Variants in VTI1A observed in about 807,000 individuals in gnomAD.
The protein encoded by VTI1A is vesicle transport through interaction with t-SNAREs homolog 1A.
A neutral mutation model predicts 34.9 loss-of-function variants in VTI1A; 22 were observed. The ratio of observed to expected loss-of-function variants is 0.63; its 90% CI spans 0.45 to 0.90. VTI1A has a LOEUF of 0.90. VTI1A is among the 40% of genes least tolerant of loss of function. VTI1A has a pLI of 0.00. For synonymous variants in VTI1A, 87 were observed against 97.3 expected (o/e 0.89, Z 0.62); for missense variants, 268 against 275.6 (o/e 0.97, Z 0.20).
At chr10:112,855,313 C>T in the VTI1A span, among the ~76,000 whole-genome samples, 1 of 152,150 alleles carries the variant, frequency 6.6e-6, no homozygotes, top group Admixed American at 6.5e-5. Flanking sequence ...GGCTTCTTCC[C>T]GCCAGTCCAG....
At chr10:112,523,851 G>C (rs540065677) in intron 3 of VTI1A, among the ~76,000 whole-genome samples, 2 of 152,240 alleles carry the variant, frequency 1.3e-5, no homozygotes, top group East Asian at 3.9e-4. Flanking sequence ...AGCTGAATGT[G>C]TGACATTTCC....
chr10:112,599,210 A>T (rs1253356924), intron 5 of VTI1A, among the ~76,000 whole-genome samples: 1 of 152,116 alleles, frequency 6.6e-6, no homozygotes, highest in African/African-American at 2.4e-5. Context: ...CTTGCAGAGT[A>T]GGATTGGGGG....
intron 7 of VTI1A, among the ~76,000 whole-genome samples, chr10:112,808,888 G>A (rs1175145992): frequency 6.6e-6 from 1 of 152,146 alleles, no homozygotes; most frequent in East Asian, 1.9e-4. Flanking sequence ...GCAGCTCCAG[G>A]TTCTCACTGT....
chr10:112,821,114 A>G (rs1462357293), downstream of VTI1A, among the ~76,000 whole-genome samples: 1 of 152,186 alleles, frequency 6.6e-6, no homozygotes, highest in Admixed American at 6.5e-5. Flanking sequence ...CAGACATCAC[A>G]GAGGGGGCAG....
At chr10:112,694,138 G>A (rs1215016776) in intron 7 of VTI1A, among the ~76,000 whole-genome samples, 2 of 152,094 alleles carry the variant, frequency 1.3e-5, no homozygotes, top group South Asian at 2.1e-4. Context: ...CCCAGGAGGC[G>A]GAGCTTGCAG....
chr10:112,551,433 A>G lies in VTI1A; in HGVS notation c.427+13103A>G, dbSNP rs1397901629. ...TTTATTGGATGTGGACTGGACTTCT[A>G]TTGATCTCTGCTATAGCAAGAAAAA... On this transcript the variant is annotated intron_variant, in intron 5 of 7. Coordinates refer to ENST00000393077, the MANE Select transcript of VTI1A (RefSeq NM_145206.4). Among the ~76,000 whole-genome samples, 5 of 152,104 alleles carry G rather than the reference A, an allele frequency of 3.3e-5. No homozygotes were observed. In the South Asian group the frequency reaches 6.2e-4, roughly 19 times the overall value.
chr10:112,688,574 T>TG lies in VTI1A; in HGVS notation c.560+19577dup, dbSNP rs1276339011. On this transcript the variant is annotated intron_variant, in intron 7 of 7. Coordinates refer to ENST00000393077, the MANE Select transcript of VTI1A (RefSeq NM_145206.4). Reference sequence around the variant, plus strand: ...TTTGATCTTGTTGCCCAGGCTAAAGTGCAGTGGCGCAATCTTGGCTCACTG... The same window carrying TG: ...TTTGATCTTGTTGCCCAGGCTAAAGTGGCAGTGGCGCAATCTTGGCTCACTG... 6.7e-5 allele frequency among the ~76,000 whole-genome samples: 10 copies of TG among 148,934 alleles called. No individual in the cohort carries two copies. In the East Asian group the frequency reaches 2.0e-3, roughly 30 times the overall value.
At chr10:112,711,449 A>G (rs911304008) in intron 7 of VTI1A, among the ~76,000 whole-genome samples, 14 of 152,336 alleles carry the variant, frequency 9.2e-5, no homozygotes, top group African/African-American at 3.1e-4. Flanking sequence ...CTATTAAATG[A>G]AAAGCATTCC....
At chr10:112,648,497 A>T (rs1846889665) in intron 5 of VTI1A, among the ~76,000 whole-genome samples, 1 of 152,234 alleles carries the variant, frequency 6.6e-6, no homozygotes, top group Non-Finnish European at 1.5e-5. Flanking sequence ...TGATAAATTA[A>T]TTAAATCATC....
rs1024634524 is a variant in VTI1A at position 112,527,799 on chromosome 10, C to T, written c.342+635C>T. On this transcript the variant is annotated intron_variant, in intron 4 of 7. Transcript: ENST00000393077. ...GCCAAAAAATAAGATACAGTTTCTT[C>T]TTAAAAGAGCTTTACAACTTGGCTG... Among the ~76,000 whole-genome samples the T allele has an allele frequency of 5.3e-5, 8 of 151,914 alleles. No homozygotes were observed. In the East Asian group the frequency reaches 5.8e-4, roughly 11 times the overall value.
chr10:112,814,650 A>G (rs1195348017), intron 7 of VTI1A, among the ~76,000 whole-genome samples: 1 of 152,122 alleles, frequency 6.6e-6, no homozygotes, highest in South Asian at 2.1e-4. Flanking sequence ...CACAACAGGC[A>G]CCTTGAGTAC....
chr10:112,704,972 T>C (rs1849142627), intron 7 of VTI1A, among the ~76,000 whole-genome samples: 1 of 152,132 alleles, frequency 6.6e-6, no homozygotes, highest in Non-Finnish European at 1.5e-5. Context: ...CACTGCAGCC[T>C]GCAATTCCTG....
At position 112,811,683 on chromosome 10, in the gene VTI1A, CAAAAAAAAAAAAAAAA is replaced by C. The variant is rs869030543; in HGVS notation, c.561-3593_561-3578del. On this transcript the variant is annotated intron_variant, in intron 7 of 7. Transcript: ENST00000393077. ...TGGGCGACAGAGCGAGACTCCGTCT[CAAAAAAAAAAAAAAAA>C]AAAAAAAAAAAAAGAGTGCAGTCCA... 9.4e-3 allele frequency among the ~76,000 whole-genome samples: 111 copies of C among 11,848 alleles called. 4 individuals are homozygous for C. Among genetic ancestry groups the C allele is most frequent in the Admixed American group, 0.026 (17 of 658 alleles). 7.8% of individuals were successfully genotyped at this position (11,848 alleles called of 152,430 possible).
chr10:112,650,776 T>G (rs1846980356), intron 5 of VTI1A, among the ~76,000 whole-genome samples: 1 of 152,216 alleles, frequency 6.6e-6, no homozygotes, highest in African/African-American at 2.4e-5. Context: ...ACCAAAACAT[T>G]GTTATGCAAT....
chr10:112,854,743 G>A, the VTI1A span, among the ~76,000 whole-genome samples: 1 of 152,328 alleles, frequency 6.6e-6, no homozygotes, highest in Admixed American at 6.5e-5. Flanking sequence ...CTGGAATGAG[G>A]CGACACCAGT....
At chr10:112,569,515 G>A (rs879760239) in intron 5 of VTI1A, among the ~76,000 whole-genome samples, 1 of 152,200 alleles carries the variant, frequency 6.6e-6, no homozygotes, top group Non-Finnish European at 1.5e-5. Flanking sequence ...CATCTCTTAA[G>A]TTTATACTCT....
chr10:112,683,521 T>A (rs1848293965), intron 7 of VTI1A, among the ~76,000 whole-genome samples: 1 of 152,172 alleles, frequency 6.6e-6, no homozygotes, highest in Admixed American at 6.5e-5. Flanking sequence ...AAAATAGTAA[T>A]ATTAAAGGAA....
chr10:112,553,898 A>G (rs948248743), intron 5 of VTI1A, among the ~76,000 whole-genome samples: 2 of 152,182 alleles, frequency 1.3e-5, no homozygotes, highest in East Asian at 1.9e-4. Context: ...ATCTCTGCAA[A>G]GTATTTATTT....
intron 5 of VTI1A, among the ~76,000 whole-genome samples, chr10:112,585,170 C>T (rs1844095708): frequency 6.6e-6 from 1 of 152,146 alleles, no homozygotes; most frequent in South Asian, 2.1e-4. Flanking sequence ...TACAAAATGT[C>T]GATTCACATC....
Sources: allele counts gnomAD v4.1 joint callset (sites outside exome capture counted in the v4.1 genomes callset), GRCh38; gene constraint gnomAD v4.1.1; transcripts MANE v1.5; gene names NCBI Gene and HGNC (gene_info 2026-07-23, HGNC 2026-07-21).